PTPRE: variants seen among roughly 807,000 people sequenced by gnomAD.
The protein encoded by PTPRE is protein tyrosine phosphatase receptor type E, also known as receptor-type tyrosine-protein phosphatase epsilon.
In PTPRE, 51 loss-of-function variants were observed where a neutral mutation model predicts 102.0. The observed-to-expected ratio is 0.50, with a 90% confidence interval of 0.40 to 0.63. The LOEUF (loss-of-function observed/expected upper bound fraction) is 0.63. Ranked by LOEUF, PTPRE falls within the 30% of genes least tolerant of loss-of-function variation. The probability of loss-of-function intolerance (pLI) is 0.00; values close to 1 mark genes in which losing one functional copy is unlikely to be tolerated. For synonymous variants in PTPRE, 345 were observed against 348.2 expected (o/e 0.99, Z 0.10); for missense variants, 752 against 915.1 (o/e 0.82, Z 2.30).
chr10:127,995,822 A>AACAC (rs1166096183), intron 2 of PTPRE, among the ~76,000 whole-genome samples: 4 of 100,412 alleles, frequency 4.0e-5, no homozygotes, highest in Non-Finnish European at 5.7e-5. Context: ...ACTCTACACG[A>AACAC]GCACACACAC....
At chr10:127,918,486 G>A (rs1846367146) in intron 1 of PTPRE, among the ~76,000 whole-genome samples, 1 of 151,494 alleles carries the variant, frequency 6.6e-6, no homozygotes, top group South Asian at 2.1e-4. Context: ...ATGAACCCGG[G>A]AGGCGGAGCT....
At chr10:127,973,626 C>T (rs1850926561) in intron 1 of PTPRE, among the ~76,000 whole-genome samples, 1 of 151,970 alleles carries the variant, frequency 6.6e-6, no homozygotes, top group South Asian at 2.1e-4. Context: ...TAACAAACGT[C>T]TCTGCTCTGA....
At chr10:128,081,695 G>A (rs1851720379) in intron 20 of PTPRE, among the ~76,000 whole-genome samples, 1 of 152,186 alleles carries the variant, frequency 6.6e-6, no homozygotes, top group Non-Finnish European at 1.5e-5. Context: ...TCTGAAGGCT[G>A]GGTGATCAGC....
intron 1 of PTPRE, among the ~76,000 whole-genome samples, chr10:127,957,766 C>T (rs867850423): frequency 5.3e-5 from 8 of 152,326 alleles, no homozygotes; most frequent in Middle Eastern, 3.4e-3. Flanking sequence ...ACTGGGATTG[C>T]ATTGAATCTG....
chr10:128,068,325 A>G (rs751631187), intron 12 of PTPRE, 39 bp downstream of exon 12: 1 of 1,582,376 alleles, frequency 6.3e-7, no homozygotes, highest in Non-Finnish European at 8.6e-7. Context: ...CCTCAAGGGC[A>G]GGCCACAGTG....
chr10:128,025,740 C>A (rs961440114), intron 2 of PTPRE, among the ~76,000 whole-genome samples: 2 of 152,182 alleles, frequency 1.3e-5, no homozygotes, highest in East Asian at 3.9e-4. Context: ...ACATGTCGGG[C>A]TGGACTTTGC....
intron 1 of PTPRE, among the ~76,000 whole-genome samples, chr10:127,972,220 A>G (rs1305363561): frequency 2.0e-5 from 3 of 152,148 alleles, no homozygotes; most frequent in Admixed American, 6.5e-5. Flanking sequence ...TCCTCCACAC[A>G]CAACTTATCT....
intron 2 of PTPRE, chr10:127,999,716 C>G: frequency 1.0e-6 from 1 of 983,982 alleles, no homozygotes; most frequent in African/African-American, 1.7e-5. Flanking sequence ...TCGAGATGAG[C>G]GGTCTCTCCT....
chr10:127,937,533 A>C (rs1191501959), intron 1 of PTPRE, among the ~76,000 whole-genome samples: 1 of 152,118 alleles, frequency 6.6e-6, no homozygotes, highest in Admixed American at 6.5e-5. Context: ...GGTAGAGAAA[A>C]GGGGGAATTT....
intron 1 of PTPRE, among the ~76,000 whole-genome samples, chr10:127,921,643 C>T (rs1040102630): frequency 1.3e-5 from 2 of 152,196 alleles, no homozygotes; most frequent in South Asian, 2.1e-4. Flanking sequence ...AGCTGTTGCC[C>T]AGCAGGGCTG....
At chr10:127,965,677 A>G (rs1850192560) in intron 1 of PTPRE, among the ~76,000 whole-genome samples, 2 of 152,238 alleles carry the variant, frequency 1.3e-5, no homozygotes, top group South Asian at 4.1e-4. Context: ...TTAGAGGATA[A>G]CACTGGCTTA....
intron 1 of PTPRE, among the ~76,000 whole-genome samples, chr10:127,964,307 T>A (rs1328994113): frequency 3.9e-5 from 6 of 152,066 alleles, no homozygotes; most frequent in Admixed American, 3.9e-4. Flanking sequence ...GTAGCTGGGA[T>A]TACAGGAGCC....
At chr10:128,038,056 C>A (rs980358375) in intron 2 of PTPRE, among the ~76,000 whole-genome samples, 1 of 151,252 alleles carries the variant, frequency 6.6e-6, no homozygotes, top group Non-Finnish European at 1.5e-5. Flanking sequence ...CCGCCTCGGC[C>A]TCTCAAAATA....
rs573772795 is a variant in PTPRE at position 128,029,831 on chromosome 10, C to T, written c.-7-11044C>T. Among the ~76,000 whole-genome samples, 9 of 152,352 alleles carry T rather than the reference C, an allele frequency of 5.9e-5. No homozygotes were observed. The South Asian group carries it at 1.9e-3, about 32-fold the overall frequency. On this transcript the variant is annotated intron_variant, in intron 2 of 20. Transcript: ENST00000254667. The stretch of plus-strand genomic sequence containing the variant: ...CTGGGGTCTTAGGGGCCGCCAGCTT[C>T]CTCCACCCACCTGCCTGCACAGACA...
intron 9 of PTPRE, 139 bp downstream of exon 9, chr10:128,061,854 C>A: frequency 9.3e-7 from 1 of 1,076,480 alleles, no homozygotes; most frequent in Non-Finnish European, 1.3e-6. Flanking sequence ...GTTAGATATC[C>A]ATTCACACAA....
chr10:127,911,909 G>A (rs1418437476), intron 1 of PTPRE, among the ~76,000 whole-genome samples: 1 of 151,946 alleles, frequency 6.6e-6, no homozygotes, highest in African/African-American at 2.4e-5. Flanking sequence ...GCAGAGTGCT[G>A]GATGATATTT....
In PTPRE at chr10:128,020,736, A is replaced by T. The variant is rs149084318; in HGVS notation, c.-7-20139A>T. Among the ~76,000 whole-genome samples, 881 of 152,126 alleles carry T rather than the reference A, an allele frequency of 5.8e-3. 13 individuals carry two copies. The highest frequency in any genetic ancestry group is 0.02 in the African/African-American group (846 of 41,488). On this transcript the variant is annotated intron_variant, in intron 2 of 20. Coordinates refer to ENST00000254667, the MANE Select transcript of PTPRE (RefSeq NM_006504.6). ...CAGAGCCCACCTCAGACAAGTTCTAACCCAGATGAGCTCACAGTACTGCCA... is the reference window on the plus strand; with the variant it reads ...CAGAGCCCACCTCAGACAAGTTCTATCCCAGATGAGCTCACAGTACTGCCA...
chr10:128,080,434 T>C (rs1312071042), intron 20 of PTPRE, among the ~76,000 whole-genome samples: 1 of 151,998 alleles, frequency 6.6e-6, no homozygotes, highest in African/African-American at 2.4e-5. Context: ...CCCTTCTACG[T>C]CCCCCTCACA....
chr10:128,017,660 C>T (rs1427369486), intron 2 of PTPRE, among the ~76,000 whole-genome samples: 1 of 152,152 alleles, frequency 6.6e-6, no homozygotes, highest in Non-Finnish European at 1.5e-5. Context: ...TCGGTGGCCA[C>T]ATTCTGTGGG....
Sources: gnomAD v4.1 joint callset for allele counts (sites outside exome capture counted in the v4.1 genomes callset) on GRCh38, gnomAD v4.1.1 for gene constraint, MANE v1.5 for transcripts, NCBI Gene and HGNC (gene_info 2026-07-23, HGNC 2026-07-21) for gene names.